XKR4: variants seen among roughly 807,000 people sequenced by gnomAD.
The protein encoded by XKR4 is XK-related protein 4.
XKR4 carries 12 observed loss-of-function variants against 53.9 expected under a neutral mutation model. The observed-to-expected ratio is 0.22, with a 90% CI of 0.14 to 0.36. The LOEUF is 0.36. Ranked by LOEUF, XKR4 falls within the 10% of genes least tolerant of loss-of-function variation. The probability of loss-of-function intolerance (pLI) is 1.00; values close to 1 mark genes in which losing one functional copy is unlikely to be tolerated. For synonymous variants in XKR4, 354 were observed against 362.4 expected (o/e 0.98, Z 0.26); for missense variants, 799 against 859.5 (o/e 0.93, Z 0.88).
intron 1 of XKR4, among the ~76,000 whole-genome samples, chr8:55,151,050 G>C (rs184411050): frequency 6.6e-6 from 1 of 152,292 alleles, no homozygotes; most frequent in Admixed American, 6.5e-5. Flanking sequence ...GTATTTAAAG[G>C]AAGTTGAATA....
intron 1 of XKR4, among the ~76,000 whole-genome samples, chr8:55,308,416 A>G (rs1039481172): frequency 6.6e-6 from 1 of 152,214 alleles, no homozygotes. Flanking sequence ...ACAAGGCAGC[A>G]GGAGAGAGAG....
chr8:55,535,969 C>T lies in XKR4; in HGVS notation c.*11742C>T, dbSNP rs1807026387. ...GGTATTCCAAGGTATTGTAAGTTAC[C>T]CTTGTTTGTAGAACATGAACCACTT... On this transcript the variant is annotated 3_prime_UTR_variant, in exon 3 of 3. Coordinates refer to ENST00000327381, the MANE Select transcript of XKR4 (RefSeq NM_052898.2). The T allele has an allele frequency of 1.3e-5, 2 of 152,148 alleles. No individual in the cohort carries two copies. The highest frequency in any genetic ancestry group is 1.3e-4 in the Admixed American group (2 of 15,288). 9.4% of individuals were successfully genotyped at this position (152,148 alleles called of 1,614,324 possible).
intron 1 of XKR4, among the ~76,000 whole-genome samples, chr8:55,233,025 C>G (rs1414488512): frequency 6.6e-6 from 1 of 152,148 alleles, no homozygotes; most frequent in East Asian, 1.9e-4. Context: ...GATGGTGTAT[C>G]TGCGTGGGAG....
chr8:55,178,780 T>G (rs188169412), intron 1 of XKR4, among the ~76,000 whole-genome samples: 19 of 152,370 alleles, frequency 1.2e-4, no homozygotes, highest in African/African-American at 4.1e-4. Context: ...CTCTTCCATC[T>G]CTAACAGTTC....
At chr8:55,455,045 G>A (rs1805537660) in intron 2 of XKR4, 1 of 732,176 alleles carries the variant, frequency 1.4e-6, no homozygotes, top group South Asian at 1.4e-5. Context: ...GTCCTTCTCC[G>A]GGAAGAACTG....
At chr8:55,150,662 C>A (rs1329127941) in intron 1 of XKR4, among the ~76,000 whole-genome samples, 1 of 152,116 alleles carries the variant, frequency 6.6e-6, no homozygotes, top group Non-Finnish European at 1.5e-5. Flanking sequence ...CAGATGTTAC[C>A]AGACAATTTT....
At chr8:55,494,365 C>T (rs1240816940) in intron 2 of XKR4, among the ~76,000 whole-genome samples, 1 of 152,250 alleles carries the variant, frequency 6.6e-6, no homozygotes, top group East Asian at 1.9e-4. Context: ...CAAAGAGCCA[C>T]AGCTCTCCTC....
At chr8:55,184,488 T>A (rs1040882782) in intron 1 of XKR4, among the ~76,000 whole-genome samples, 2 of 152,228 alleles carry the variant, frequency 1.3e-5, no homozygotes, top group African/African-American at 4.8e-5. Flanking sequence ...AGCCCTTTGC[T>A]GGGAGAATTT....
At chr8:55,346,806 A>T (rs1023155007) in intron 1 of XKR4, among the ~76,000 whole-genome samples, 1 of 151,992 alleles carries the variant, frequency 6.6e-6, no homozygotes, top group Non-Finnish European at 1.5e-5. Context: ...TTATTTAAAG[A>T]TCTTCTGCAC....
At chr8:55,387,896 AG>A (rs1053025106) in intron 2 of XKR4, among the ~76,000 whole-genome samples, 1 of 152,176 alleles carries the variant, frequency 6.6e-6, no homozygotes, top group Non-Finnish European at 1.5e-5. Flanking sequence ...CACTGAGCTG[AG>A]AGATGGGAGG....
intron 2 of XKR4, among the ~76,000 whole-genome samples, chr8:55,491,790 T>C (rs1806276203): frequency 6.6e-6 from 1 of 152,178 alleles, no homozygotes; most frequent in Non-Finnish European, 1.5e-5. Flanking sequence ...ACCACAGCCC[T>C]GGCTTCTTTT....
At chr8:55,289,725 GAAAGAAAGAAAGAAAGAA>G (rs879593243) in intron 1 of XKR4, among the ~76,000 whole-genome samples, 2,781 of 49,470 alleles carry the variant, frequency 0.056, 89 homozygotes, top group East Asian at 0.22. Flanking sequence ...GAGAGAAAGA[GAAAGAAAGAAAGAAAGAA>G]AAAGAAAGAA....
At chr8:55,357,115 T>G (rs1396986843) in intron 1 of XKR4, among the ~76,000 whole-genome samples, 1 of 152,190 alleles carries the variant, frequency 6.6e-6, no homozygotes, top group Non-Finnish European at 1.5e-5. Context: ...TTCAACTACA[T>G]TGATATCCCA....
chr8:55,470,725 T>C (rs2129400052), intron 2 of XKR4, among the ~76,000 whole-genome samples: 1 of 152,284 alleles, frequency 6.6e-6, no homozygotes, highest in South Asian at 2.1e-4. Context: ...ATCATTATTA[T>C]TAGTGAGTAT....
intron 1 of XKR4, among the ~76,000 whole-genome samples, chr8:55,341,621 T>A (rs536534001): frequency 7.9e-5 from 12 of 152,332 alleles, no homozygotes; most frequent in African/African-American, 2.6e-4. Context: ...CAAAAAAAGA[T>A]GACCAAAGAG....
At chr8:55,286,619 G>A (rs150260961) in intron 1 of XKR4, among the ~76,000 whole-genome samples, 1 of 152,330 alleles carries the variant, frequency 6.6e-6, no homozygotes, top group African/African-American at 2.4e-5. Flanking sequence ...AGGGCAGGCA[G>A]CTGTCAGCCA....
intron 2 of XKR4, among the ~76,000 whole-genome samples, chr8:55,474,042 C>A (rs1805936744): frequency 6.6e-6 from 1 of 152,038 alleles, no homozygotes; most frequent in Non-Finnish European, 1.5e-5. Context: ...GTAGCTAGGA[C>A]TATAGGAGCA....
intron 1 of XKR4, among the ~76,000 whole-genome samples, chr8:55,223,035 A>G (rs1377198280): frequency 6.6e-6 from 1 of 152,130 alleles, no homozygotes; most frequent in Non-Finnish European, 1.5e-5. Context: ...TCTCTTGTCC[A>G]GGAGAGGAAA....
At chr8:55,212,877 A>G (rs1428263534) in intron 1 of XKR4, among the ~76,000 whole-genome samples, 1 of 152,234 alleles carries the variant, frequency 6.6e-6, no homozygotes, top group Non-Finnish European at 1.5e-5. Context: ...ATTAAAGAGT[A>G]TAGGAATTAT....
Sources: gnomAD v4.1 joint callset for allele counts (sites outside exome capture counted in the v4.1 genomes callset) on GRCh38, gnomAD v4.1.1 for gene constraint, MANE v1.5 for transcripts, NCBI Gene and HGNC (gene_info 2026-07-23, HGNC 2026-07-21) for gene names.